Variants in ATP6V1D observed in about 807,000 individuals in gnomAD.
The protein encoded by ATP6V1D is ATPase H+ transporting V1 subunit D, also known as V-type proton ATPase subunit D.
In ATP6V1D, 20 loss-of-function variants were observed where a neutral mutation model predicts 39.4. The observed-to-expected ratio is 0.51, with a 90% CI of 0.36 to 0.74. The LOEUF is 0.74. Ranked by LOEUF, ATP6V1D falls within the 30% of genes least tolerant of loss-of-function variation. The pLI, the probability that ATP6V1D is intolerant of heterozygous loss-of-function variation, is 0.00. For missense variants in ATP6V1D, 228 were observed against 291.6 expected (o/e 0.78, Z 1.59); for synonymous variants, 100 against 100.5 (o/e 0.99, Z 0.03).
intron 7 of ATP6V1D, among the ~76,000 whole-genome samples, chr14:67,341,087 A>G (rs12232142): frequency 0.16 from 23,674 of 151,920 alleles, 3,491 homozygotes; most frequent in East Asian, 0.42. Context: ...GCCTCTGCCC[A>G]GCCGCCACCC....
At chr14:67,354,252 T>C (rs1158308125) in intron 1 of ATP6V1D, among the ~76,000 whole-genome samples, 1 of 152,254 alleles carries the variant, frequency 6.6e-6, no homozygotes, top group African/African-American at 2.4e-5. Flanking sequence ...ATATCTGGAA[T>C]ATTTATTAAA....
chr14:67,352,688 G>A, intron 2 of ATP6V1D: 1 of 394,404 alleles, frequency 2.5e-6, no homozygotes, highest in South Asian at 3.8e-5. Flanking sequence ...TCTAAATAAG[G>A]TAAGAGAGGC....
At position 67,350,619 on chromosome 14, in the gene ATP6V1D, A is replaced by G. The variant is rs2085649499; in HGVS notation, c.231T>C (p.Gly77=). 2 of 1,613,358 alleles carry G rather than the reference A, an allele frequency of 1.2e-6. No individual in the cohort carries two copies. The highest frequency in any genetic ancestry group is 2.7e-5 in the African/African-American group (2 of 74,904). ...FSLAEAKFTA[G]DFSTTVIQNV... is the part of the protein sequence containing the mutation. ...CCGTTTAGTCCCCTTACCTGAAGTCACCTGCTGTGAACTTGGCTTCAGCTA... is the reference window on the plus strand; with the variant it reads ...CCGTTTAGTCCCCTTACCTGAAGTCGCCTGCTGTGAACTTGGCTTCAGCTA... Residue 77 remains glycine (G), a synonymous_variant, in exon 3 of 9, where the codon GGT becomes GGC. Coordinates refer to ENST00000216442, the MANE Select transcript of ATP6V1D (RefSeq NM_015994.4).
At position 67,351,899 on chromosome 14, in the gene ATP6V1D, T is replaced by C. The variant is rs139632367; in HGVS notation, c.159+1024A>G. 5.2e-3 allele frequency among the ~76,000 whole-genome samples: 600 copies of C among 115,222 alleles called. 18 individuals are homozygous for C. In the East Asian group the frequency reaches 0.13, roughly 25 times the overall value. The allele number at this position is 115,222 out of a possible 152,430, so 75.6% of individuals were successfully genotyped here. Reference sequence around the variant, plus strand: ...TTTTACACATTAGGCAGAATACACATAGAACCTCTACCAAAAAAAAAAAGA... The same window carrying C: ...TTTTACACATTAGGCAGAATACACACAGAACCTCTACCAAAAAAAAAAAGA... On this transcript the variant is annotated intron_variant, in intron 2 of 8. Transcript: ENST00000216442.
intron 3 of ATP6V1D, 116 bp from the exon 4 acceptor site, chr14:67,349,220 T>C (rs751343823): frequency 9.9e-7 from 1 of 1,008,424 alleles, no homozygotes; most frequent in Middle Eastern, 2.1e-4. Flanking sequence ...CAATTAAGTA[T>C]GTTTTGATAA....
intron 5 of ATP6V1D, 71 bp from the exon 6 acceptor site, chr14:67,345,942 G>T (rs1225106158): frequency 1.1e-6 from 1 of 936,698 alleles, no homozygotes; most frequent in Non-Finnish European, 1.7e-6. Context: ...CCCAAAAGGA[G>T]ATAATTCAGA....
intron 1 of ATP6V1D, among the ~76,000 whole-genome samples, chr14:67,358,097 CGGGGGCGGCG>C (rs1374701484): frequency 7.9e-6 from 1 of 127,226 alleles, no homozygotes; most frequent in Non-Finnish European, 1.7e-5. Context: ...ATTTTAATGG[CGGGGGCGGCG>C]GGGGGCGGCC....
chr14:67,343,478 T>A, intron 6 of ATP6V1D, 40 bp from the exon 7 acceptor site: 1 of 1,358,236 alleles, frequency 7.4e-7, no homozygotes, highest in Non-Finnish European at 1.1e-6. Context: ...CACAAAGTCT[T>A]CCTAATCATT....
intron 1 of ATP6V1D, among the ~76,000 whole-genome samples, chr14:67,355,492 A>C (rs2085679806): frequency 6.7e-6 from 1 of 149,682 alleles, no homozygotes. Context: ...ACTAGAAATA[A>C]AATGTCATAC....
intron 2 of ATP6V1D, among the ~76,000 whole-genome samples, chr14:67,351,142 G>A (rs754099774): frequency 4.2e-4 from 64 of 152,292 alleles, no homozygotes; most frequent in Non-Finnish European, 7.4e-4. Flanking sequence ...GCCTTCCCAA[G>A]TATTAAAAAG....
chr14:67,348,178 G>A (rs903742330), intron 4 of ATP6V1D, among the ~76,000 whole-genome samples: 1 of 151,954 alleles, frequency 6.6e-6, no homozygotes, highest in Non-Finnish European at 1.5e-5. Flanking sequence ...GGGTCCAAGT[G>A]AGTCTCCTGC....
intron 7 of ATP6V1D, among the ~76,000 whole-genome samples, chr14:67,341,360 G>T (rs983518432): frequency 2.0e-5 from 3 of 149,924 alleles, no homozygotes; most frequent in Non-Finnish European, 4.4e-5. Context: ...CCACCCGGCA[G>T]CCGCCCCATC....
intron 5 of ATP6V1D, among the ~76,000 whole-genome samples, 182 bp downstream of exon 5, chr14:67,347,227 T>C (rs1812930685): frequency 6.6e-6 from 1 of 152,010 alleles, no homozygotes; most frequent in Non-Finnish European, 1.5e-5. Flanking sequence ...GCATGAGCCA[T>C]TGTGCCCGGC....
intron 5 of ATP6V1D, among the ~76,000 whole-genome samples, chr14:67,346,874 A>G (rs1161747553): frequency 6.6e-6 from 1 of 152,238 alleles, no homozygotes; most frequent in Non-Finnish European, 1.5e-5. Context: ...CAGTGAATTC[A>G]TATTCAAAAG....
intron 7 of ATP6V1D, among the ~76,000 whole-genome samples, chr14:67,342,243 A>G (rs2085590851): frequency 6.6e-6 from 1 of 151,338 alleles, no homozygotes; most frequent in Non-Finnish European, 1.5e-5. Flanking sequence ...CACAAAGAAA[A>G]AAAGTAAAAT....
At chr14:67,349,003 T>TC (rs1469547578) in intron 4 of ATP6V1D, 34 bp downstream of exon 4, 34 of 1,592,342 alleles carry the variant, frequency 2.1e-5, no homozygotes, top group Non-Finnish European at 2.9e-5. Flanking sequence ...ACCTCTTTTC[T>TC]CCCCAAAGGG....
chr14:67,341,874 T>C (rs1242120979), intron 7 of ATP6V1D, among the ~76,000 whole-genome samples: 1 of 152,206 alleles, frequency 6.6e-6, no homozygotes, highest in African/African-American at 2.4e-5. Context: ...CCTGTTGATC[T>C]ATGACCTTAC....
chr14:67,338,879 C>T, intron 8 of ATP6V1D, 117 bp from the exon 9 acceptor site: 1 of 781,516 alleles, frequency 1.3e-6, no homozygotes, highest in East Asian at 3.0e-5. Flanking sequence ...AAACCTGGTA[C>T]TTTTATTAAT....
At chr14:67,353,080 T>G in intron 1 of ATP6V1D, 40 bp from the exon 2 acceptor site, 4 of 1,495,414 alleles carry the variant, frequency 2.7e-6, no homozygotes, top group Non-Finnish European at 3.7e-6. Context: ...CTATTCTCAT[T>G]GTTTAAAAGA....
Sources: allele counts gnomAD v4.1 joint callset (sites outside exome capture counted in the v4.1 genomes callset), GRCh38; gene constraint gnomAD v4.1.1; transcripts MANE v1.5; gene names NCBI Gene and HGNC (gene_info 2026-07-23, HGNC 2026-07-21).